ZNF804A: variants seen among roughly 807,000 people sequenced by gnomAD.
The protein encoded by ZNF804A is zinc finger protein 804A.
In ZNF804A, 2 loss-of-function variants were observed where a neutral mutation model predicts 16.5. The observed-to-expected ratio is 0.12, with a 90% confidence interval of 0.05 to 0.38. The LOEUF (loss-of-function observed/expected upper bound fraction) is 0.38, where lower values mean the gene tolerates loss of function less well. Ranked by LOEUF, ZNF804A falls within the 10% of genes least tolerant of loss-of-function variation. The pLI is 0.99. For synonymous variants in ZNF804A, 534 were observed against 489.6 expected, an observed-to-expected ratio of 1.09 and a Z score of -1.20; for missense variants, 1,473 against 1,390.7, an observed-to-expected ratio of 1.06 and a Z score of -0.94.
rs767140053 is a variant in ZNF804A, at chr2:184,936,797, T to C, written c.1401T>C (p.Thr467=). The C allele has an allele frequency of 1.2e-6, 2 of 1,613,518 alleles. No individual in the cohort carries two copies. The highest frequency in any genetic ancestry group is 1.7e-6 in the Non-Finnish European group (2 of 1,179,742). Residue 467 remains threonine (T), a synonymous_variant, in exon 4 of 4, where the codon ACT becomes ACC. Coordinates refer to ENST00000302277, the MANE Select transcript of ZNF804A (RefSeq NM_194250.2). ...CNPLCFDFKS[T]KVNNNLDKNK... is the part of the protein sequence containing the mutation. ...CTCTATGTTTTGACTTCAAGTCTAC[T>C]AAAGTAAATAATAATCTAGATAAAA...
intron 1 of ZNF804A, among the ~76,000 whole-genome samples, chr2:184,799,785 C>T (rs898482322): frequency 2.0e-5 from 3 of 152,152 alleles, no homozygotes; most frequent in African/African-American, 7.2e-5. Context: ...CTCAAGCCAT[C>T]TGCCTGCCTC....
At chr2:184,791,499 C>T (rs766334055) in intron 1 of ZNF804A, among the ~76,000 whole-genome samples, 14 of 152,016 alleles carry the variant, frequency 9.2e-5, no homozygotes, top group Non-Finnish European at 1.6e-4. Flanking sequence ...TCTCTTGTCC[C>T]TCGATTTGTT....
At chr2:184,653,347 G>A (rs1267454047) in intron 1 of ZNF804A, among the ~76,000 whole-genome samples, 1 of 152,132 alleles carries the variant, frequency 6.6e-6, no homozygotes, top group Non-Finnish European at 1.5e-5. Context: ...CACAAAGACT[G>A]TTAGGGGTGG....
At chr2:184,836,604 T>C (rs1695349034) in intron 1 of ZNF804A, among the ~76,000 whole-genome samples, 1 of 152,016 alleles carries the variant, frequency 6.6e-6, no homozygotes, top group African/African-American at 2.4e-5. Flanking sequence ...TCAATATGAA[T>C]GCTGATCTTG....
At chr2:184,720,628 A>G (rs531205078) in intron 1 of ZNF804A, among the ~76,000 whole-genome samples, 12 of 152,188 alleles carry the variant, frequency 7.9e-5, no homozygotes, top group Admixed American at 1.3e-4. Context: ...AAATGGAAAG[A>G]TGTCTTATAA....
chr2:184,663,489 G>C (rs142272616), intron 1 of ZNF804A, among the ~76,000 whole-genome samples: 1 of 152,038 alleles, frequency 6.6e-6, no homozygotes, highest in African/African-American at 2.4e-5. Flanking sequence ...CAGGTGCCCC[G>C]TGGCACAAAC....
intron 1 of ZNF804A, among the ~76,000 whole-genome samples, chr2:184,617,293 G>A (rs1342959416): frequency 3.9e-5 from 6 of 152,006 alleles, no homozygotes; most frequent in African/African-American, 1.2e-4. Flanking sequence ...ATGCTTTAAT[G>A]TCTTAGTTTA....
At chr2:184,863,709 A>C (rs1033119027) in intron 1 of ZNF804A, among the ~76,000 whole-genome samples, 1 of 152,312 alleles carries the variant, frequency 6.6e-6, no homozygotes, top group East Asian at 1.9e-4. Flanking sequence ...ATTCAGCTTT[A>C]ATCCCAAAAT....
chr2:184,611,688 CTTTT>C (rs1252394588), intron 1 of ZNF804A, among the ~76,000 whole-genome samples: 4 of 138,838 alleles, frequency 2.9e-5, no homozygotes, highest in Non-Finnish European at 6.3e-5. Flanking sequence ...ATTTCCTCTT[CTTTT>C]CAAAAAAACA....
intron 1 of ZNF804A, among the ~76,000 whole-genome samples, chr2:184,754,918 C>T (rs1693935954): frequency 6.6e-6 from 1 of 151,834 alleles, no homozygotes; most frequent in African/African-American, 2.4e-5. Flanking sequence ...AAGAAAGCCA[C>T]ACACCTTTAA....
At chr2:184,909,898 T>G (rs533181043) in intron 2 of ZNF804A, among the ~76,000 whole-genome samples, 31 of 152,194 alleles carry the variant, frequency 2.0e-4, no homozygotes, top group African/African-American at 7.2e-4. Context: ...CTGTTCATGG[T>G]TTATTTTTTA....
At chr2:184,819,541 C>A (rs971566528) in intron 1 of ZNF804A, among the ~76,000 whole-genome samples, 9 of 151,798 alleles carry the variant, frequency 5.9e-5, no homozygotes, top group Non-Finnish European at 1.2e-4. Flanking sequence ...AACCCAAAAT[C>A]TAGCAGAAGA....
intron 1 of ZNF804A, among the ~76,000 whole-genome samples, chr2:184,816,578 G>T (rs970027420): frequency 1.3e-5 from 2 of 151,820 alleles, no homozygotes; most frequent in African/African-American, 4.8e-5. Flanking sequence ...GACTTCTTTA[G>T]AATTTGATCT....
chr2:184,886,334 G>A (rs759416559), intron 2 of ZNF804A, among the ~76,000 whole-genome samples: 13 of 152,144 alleles, frequency 8.5e-5, no homozygotes, highest in Non-Finnish European at 1.2e-4. Flanking sequence ...GGCTTTGTTG[G>A]GTACAGCCTC....
chr2:184,738,985 G>A lies in ZNF804A; in HGVS notation c.112-127384G>A, dbSNP rs190885081. On this transcript the variant is annotated intron_variant, in intron 1 of 3. Coordinates refer to ENST00000302277, the MANE Select transcript of ZNF804A (RefSeq NM_194250.2). ...TTTGTAGAATCATTTATGATAATTA[G>A]CAAATAAACACAAGGTTGAAATTTT... Among the ~76,000 whole-genome samples the A allele has an allele frequency of 7.9e-5, 12 of 152,212 alleles. No individual in the cohort carries two copies. In the East Asian group the frequency reaches 2.1e-3, roughly 27 times the overall value.
intron 1 of ZNF804A, among the ~76,000 whole-genome samples, chr2:184,836,250 G>A (rs573874765): frequency 6.6e-6 from 1 of 152,114 alleles, no homozygotes; most frequent in African/African-American, 2.4e-5. Context: ...TGCCATTATG[G>A]CAGGGCCTGT....
intron 2 of ZNF804A, among the ~76,000 whole-genome samples, chr2:184,917,867 G>A (rs1685476424): frequency 6.6e-6 from 1 of 151,686 alleles, no homozygotes; most frequent in Admixed American, 6.6e-5. Flanking sequence ...GTCAATTGAA[G>A]TCCTCATTTC....
intron 1 of ZNF804A, among the ~76,000 whole-genome samples, chr2:184,769,178 A>G (rs560420468): frequency 1.3e-5 from 2 of 152,176 alleles, no homozygotes; most frequent in African/African-American, 4.8e-5. Context: ...AGAATGACCT[A>G]TAGTAATTGC....
chr2:184,884,886 G>T (rs1419277881), intron 2 of ZNF804A, among the ~76,000 whole-genome samples: 5 of 152,050 alleles, frequency 3.3e-5, no homozygotes, highest in East Asian at 1.9e-4. Context: ...TACAGCAAAA[G>T]AAATTGTCAA....
Sources: allele counts gnomAD v4.1 joint callset (sites outside exome capture counted in the v4.1 genomes callset), GRCh38; gene constraint gnomAD v4.1.1; transcripts MANE v1.5; gene names NCBI Gene and HGNC (gene_info 2026-07-23, HGNC 2026-07-21).